Variants in COL25A1 observed in about 807,000 individuals in gnomAD.
COL25A1 encodes collagen alpha-1(XXV) chain.
A neutral mutation model predicts 128.4 loss-of-function variants in COL25A1; 103 were observed. That is an observed-to-expected ratio of 0.80 (90% CI 0.68 to 0.94). COL25A1 has a LOEUF of 0.94. Ranked by LOEUF, COL25A1 falls within the 40% of genes least tolerant of loss-of-function variation. The pLI, the probability that COL25A1 is intolerant of heterozygous loss-of-function variation, is 0.00. For missense variants in COL25A1, 745 were observed against 840.0 expected, an observed-to-expected ratio of 0.89 and a Z score of 1.40; for synonymous variants, 279 against 277.2, an observed-to-expected ratio of 1.01 and a Z score of -0.06.
intron 3 of COL25A1, among the ~76,000 whole-genome samples, chr4:109,110,388 T>C (rs1766888082): frequency 6.6e-6 from 1 of 152,156 alleles, no homozygotes; most frequent in Non-Finnish European, 1.5e-5. Flanking sequence ...ATAGACCCCA[T>C]TTCCTCTCAC....
intron 18 of COL25A1, among the ~76,000 whole-genome samples, chr4:108,886,486 G>GTTTTTTT (rs1199944880): frequency 1.3e-5 from 1 of 79,910 alleles, no homozygotes; most frequent in African/African-American, 4.3e-5. Context: ...GTGTGTGTGT[G>GTTTTTTT]TGTGTGTTTA....
chr4:109,159,377 A>C (rs1402443881), intron 3 of COL25A1, among the ~76,000 whole-genome samples: 4 of 152,080 alleles, frequency 2.6e-5, no homozygotes, highest in African/African-American at 9.7e-5. Flanking sequence ...ATTTTAAAGA[A>C]ATAAAAAGGT....
chr4:108,839,529 G>A lies in COL25A1; in HGVS notation c.1656+2166C>T, dbSNP rs77515357. ...TGACTAATTTGAGATCCGTGGCTTT[G>A]CATGTGTGTGCACTTTCAGCACGTG... On this transcript the variant is annotated intron_variant, in intron 31 of 37. Coordinates refer to ENST00000399132, the MANE Select transcript of COL25A1 (RefSeq NM_198721.4). Among the ~76,000 whole-genome samples the A allele has an allele frequency of 8.5e-3, 1,291 of 152,302 alleles. 18 individuals are homozygous for A. Among genetic ancestry groups the A allele is most frequent in the Middle Eastern group, 0.054 (16 of 294 alleles).
intron 3 of COL25A1, among the ~76,000 whole-genome samples, chr4:109,240,095 G>A (rs901270810): frequency 8.6e-5 from 13 of 151,978 alleles, no homozygotes; most frequent in South Asian, 6.2e-4. Flanking sequence ...ACCTGCCTAA[G>A]GCTATTTTAC....
chr4:109,093,710 T>A (rs1295903419), intron 3 of COL25A1, among the ~76,000 whole-genome samples: 1 of 152,184 alleles, frequency 6.6e-6, no homozygotes, highest in African/African-American at 2.4e-5. Context: ...GTTCAAGGAC[T>A]CAGAAAAATT....
rs1044210457 is a variant in COL25A1 at position 109,073,525 on chromosome 4, T to C, written c.368-23346A>G. 2.7e-5 allele frequency among the ~76,000 whole-genome samples: 4 copies of C among 148,906 alleles called. No individual in the cohort carries two copies. In the South Asian group the frequency reaches 6.3e-4, roughly 24 times the overall value. On this transcript the variant is annotated intron_variant, in intron 3 of 37. Transcript: ENST00000399132. The stretch of plus-strand genomic sequence containing the variant: ...CCCCTGGGATTTTGGCTTAATAATA[T>C]AACATTTCAGATTGCTAGATATTTA...
chr4:108,818,711 T>G (rs552763045), intron 36 of COL25A1, among the ~76,000 whole-genome samples: 1 of 152,168 alleles, frequency 6.6e-6, no homozygotes, highest in Non-Finnish European at 1.5e-5. Flanking sequence ...TTTATCATCT[T>G]TAGAAGCTCA....
chr4:109,072,238 C>T (rs58109936), intron 3 of COL25A1, among the ~76,000 whole-genome samples: 3,231 of 152,196 alleles, frequency 0.021, 74 homozygotes, highest in Middle Eastern at 0.11. Context: ...AGTCTCCATA[C>T]CTATGTCACC....
chr4:108,958,573 T>G lies in COL25A1; in HGVS notation c.492+15794A>C, dbSNP rs563986897. On this transcript the variant is annotated intron_variant, in intron 8 of 37. Coordinates refer to ENST00000399132, the MANE Select transcript of COL25A1 (RefSeq NM_198721.4). ...GAAATTCTGAAATTTAGAGTCCCATTTTTCCTTAAAGGAGTGACTCTGAAA... is the reference window on the plus strand; with the variant it reads ...GAAATTCTGAAATTTAGAGTCCCATGTTTCCTTAAAGGAGTGACTCTGAAA... Among the ~76,000 whole-genome samples, 3 of 152,144 alleles carry G rather than the reference T, an allele frequency of 2.0e-5. No homozygotes were observed. The South Asian group carries it at 6.2e-4, about 32-fold the overall frequency.
At chr4:109,200,172 C>T (rs1050966198) in intron 3 of COL25A1, among the ~76,000 whole-genome samples, 3 of 152,168 alleles carry the variant, frequency 2.0e-5, no homozygotes, top group Non-Finnish European at 4.4e-5. Context: ...CTTCCATCGT[C>T]GAAGTCTTTC....
chr4:108,953,208 C>G (rs867204717), intron 8 of COL25A1, among the ~76,000 whole-genome samples: 2 of 152,270 alleles, frequency 1.3e-5, no homozygotes, highest in Middle Eastern at 6.8e-3. Context: ...TTGCTTGGAA[C>G]AGTAGAGCAG....
chr4:109,131,281 G>T (rs12642694), intron 3 of COL25A1, among the ~76,000 whole-genome samples: 70,381 of 151,832 alleles, frequency 0.46, 19,374 homozygotes, highest in African/African-American at 0.77. Context: ...TTAATTTTAC[G>T]GATTTCTTTT....
intron 12 of COL25A1, 59 bp from the exon 13 acceptor site, chr4:108,918,275 AT>A: frequency 8.0e-7 from 1 of 1,253,378 alleles, no homozygotes; most frequent in Non-Finnish European, 1.1e-6. Flanking sequence ...TCAATTCTAA[AT>A]TTATATTGTA....
intron 3 of COL25A1, among the ~76,000 whole-genome samples, chr4:109,157,939 G>A (rs547573431): frequency 2.4e-3 from 366 of 152,214 alleles, no homozygotes; most frequent in African/African-American, 8.4e-3. Flanking sequence ...GGGCATAACT[G>A]GCATGCCACC....
intron 6 of COL25A1, among the ~76,000 whole-genome samples, chr4:108,976,089 T>G (rs1752407920): frequency 6.6e-6 from 1 of 152,216 alleles, no homozygotes; most frequent in Admixed American, 6.5e-5. Flanking sequence ...TTATTCTTTA[T>G]AGTTGTCCCT....
chr4:109,169,966 AT>A (rs1257075397), intron 3 of COL25A1, among the ~76,000 whole-genome samples: 1 of 152,122 alleles, frequency 6.6e-6, no homozygotes, highest in African/African-American at 2.4e-5. Context: ...GTGAAAATGT[AT>A]AATATATAAT....
chr4:109,051,131 A>T lies in COL25A1; in HGVS notation c.368-952T>A, dbSNP rs187622084. 2.2e-3 allele frequency among the ~76,000 whole-genome samples: 336 copies of T among 151,774 alleles called. 1 individual carries two copies. Among genetic ancestry groups the T allele is most frequent in the African/African-American group, 8.0e-3 (329 of 41,054 alleles). ...AGGAGAAGAAGGCCAAGGAAAATACAGAACTGCCTGATTTTAAAGAATGAG... is the reference window on the plus strand; with the variant it reads ...AGGAGAAGAAGGCCAAGGAAAATACTGAACTGCCTGATTTTAAAGAATGAG... On this transcript the variant is annotated intron_variant, in intron 3 of 37. Coordinates refer to ENST00000399132, the MANE Select transcript of COL25A1 (RefSeq NM_198721.4).
At chr4:108,950,710 G>C (rs188078083) in intron 8 of COL25A1, among the ~76,000 whole-genome samples, 1 of 152,290 alleles carries the variant, frequency 6.6e-6, no homozygotes, top group African/African-American at 2.4e-5. Context: ...GATTCCTGTG[G>C]GAGGTCAGAG....
At chr4:109,191,194 T>C (rs1274684300) in intron 3 of COL25A1, among the ~76,000 whole-genome samples, 3 of 152,154 alleles carry the variant, frequency 2.0e-5, no homozygotes, top group Non-Finnish European at 2.9e-5. Flanking sequence ...TTCCACACAT[T>C]GGGAAAACAA....
Sources: gnomAD v4.1 joint callset for allele counts (sites outside exome capture counted in the v4.1 genomes callset) on GRCh38, gnomAD v4.1.1 for gene constraint, MANE v1.5 for transcripts, NCBI Gene and HGNC (gene_info 2026-07-23, HGNC 2026-07-21) for gene names.